HDAC4: variants seen among roughly 807,000 people sequenced by gnomAD.
HDAC4 encodes the protein histone deacetylase A.
HDAC4 carries 16 observed loss-of-function variants against 135.1 expected under a neutral mutation model. That is an observed-to-expected ratio of 0.12 (90% CI 0.08 to 0.18). HDAC4 has a LOEUF of 0.18. HDAC4 is among the 10% of genes least tolerant of loss of function. The probability of loss-of-function intolerance (pLI) is 1.00; values close to 1 mark genes in which losing one functional copy is unlikely to be tolerated. For missense variants in HDAC4, 1,143 were observed against 1,511.8 expected (o/e 0.76, Z 4.05); for synonymous variants, 685 against 653.4 (o/e 1.05, Z -0.74).
chr2:239,169,102 A>G (rs987804182), intron 5 of HDAC4, among the ~76,000 whole-genome samples: 3 of 152,230 alleles, frequency 2.0e-5, no homozygotes, highest in African/African-American at 7.2e-5. Context: ...CTGAGGAAGT[A>G]ATTTAGACCA....
intron 1 of HDAC4, among the ~76,000 whole-genome samples, chr2:239,368,267 C>T (rs1461725626): frequency 6.6e-6 from 1 of 152,028 alleles, no homozygotes; most frequent in African/African-American, 2.4e-5. Context: ...ACAGGAGGGC[C>T]CTGAATGTCA....
chr2:239,380,379 A>G (rs1432014753), intron 1 of HDAC4, among the ~76,000 whole-genome samples: 1 of 152,338 alleles, frequency 6.6e-6, no homozygotes, highest in South Asian at 2.1e-4. Context: ...TGTATTCTAT[A>G]TTGATAATAT....
intron 7 of HDAC4, among the ~76,000 whole-genome samples, chr2:239,150,969 AG>A (rs1317620384): frequency 2.0e-5 from 3 of 152,388 alleles, no homozygotes; most frequent in Admixed American, 6.5e-5. Context: ...ATACAGCAGC[AG>A]GAAGTGTGGG....
At chr2:239,363,750 C>T (rs567782504) in intron 1 of HDAC4, among the ~76,000 whole-genome samples, 1 of 152,162 alleles carries the variant, frequency 6.6e-6, no homozygotes, top group African/African-American at 2.4e-5. Context: ...ATTAAGAACA[C>T]TCATTTATCA....
At chr2:239,213,861 C>G (rs1050857754) in intron 3 of HDAC4, among the ~76,000 whole-genome samples, 1 of 152,182 alleles carries the variant, frequency 6.6e-6, no homozygotes, top group African/African-American at 2.4e-5. Flanking sequence ...GAGGGGGACC[C>G]GCAAGAAAGC....
rs1032642343 is a variant in HDAC4, at chr2:239,352,112, C to G, written c.22+566G>C. 6.6e-6 allele frequency among the ~76,000 whole-genome samples: 1 copy of G among 152,210 alleles called. No individual in the cohort carries two copies. Among genetic ancestry groups the G allele is most frequent in the African/African-American group, 2.4e-5 (1 of 41,442 alleles). On this transcript the variant is annotated intron_variant, in intron 2 of 26. Transcript: ENST00000543185. The surrounding 1 kb of genome is among the most constrained non-coding windows in gnomAD (Gnocchi z 4.4). ...CCAATCATGTGGGTCCCCCACCTAC[C>G]AGCTCTGTGACCTCAGGCAAATTAC...
At position 239,073,955 on chromosome 2, in the gene HDAC4, AGCAGGACTGAGGGGGGCC is replaced by A. The variant is rs1266192564; in HGVS notation, c.2751-5366_2751-5349del. On this transcript the variant is annotated intron_variant, in intron 22 of 26. Transcript: ENST00000543185. ...CATGGCTCTGACCAACCTAATGGGC[AGCAGGACTGAGGGGGGCC>A]GCAGGACTGAGGGGGCCGCAGGACT... 3.3e-5 allele frequency among the ~76,000 whole-genome samples: 5 copies of A among 151,474 alleles called. No individual in the cohort carries two copies. In the East Asian group the frequency reaches 5.9e-4, roughly 18 times the overall value.
At chr2:239,137,108 T>G (rs113366577) in intron 9 of HDAC4, among the ~76,000 whole-genome samples, 5,119 of 152,132 alleles carry the variant, frequency 0.034, 139 homozygotes, top group Non-Finnish European at 0.05. Flanking sequence ...GTAAGCAAGG[T>G]TTTTTTTAAG....
At chr2:239,228,152 T>G (rs2047348011) in intron 3 of HDAC4, among the ~76,000 whole-genome samples, 1 of 152,116 alleles carries the variant, frequency 6.6e-6, no homozygotes, top group Non-Finnish European at 1.5e-5. Context: ...CACAGACCCC[T>G]CCTGTGTGCC....
At chr2:239,327,291 A>G (rs2125798060) in intron 2 of HDAC4, among the ~76,000 whole-genome samples, 1 of 152,232 alleles carries the variant, frequency 6.6e-6, no homozygotes, top group East Asian at 1.9e-4. Flanking sequence ...AGCCAATGGC[A>G]TGAATAAGGC....
intron 6 of HDAC4, among the ~76,000 whole-genome samples, chr2:239,163,001 TA>T (rs1248756717): frequency 6.6e-6 from 1 of 152,144 alleles, no homozygotes; most frequent in Non-Finnish European, 1.5e-5. Context: ...AGCAGAAAAC[TA>T]CATTTCAAAG....
intron 16 of HDAC4, among the ~76,000 whole-genome samples, chr2:239,096,015 C>T (rs1322635225): frequency 6.6e-6 from 1 of 152,128 alleles, no homozygotes; most frequent in Non-Finnish European, 1.5e-5. Context: ...CTGGGCTGTA[C>T]CCCCCGCTGT....
chr2:239,306,663 A>G lies in HDAC4; in HGVS notation c.22+46015T>C, dbSNP rs1559350015. Among the ~76,000 whole-genome samples the G allele has an allele frequency of 6.6e-6, 1 of 152,116 alleles. No homozygotes were observed. The highest frequency in any genetic ancestry group is 1.5e-5 in the Non-Finnish European group (1 of 68,016). On this transcript the variant is annotated intron_variant, in intron 2 of 26. Transcript: ENST00000543185. The surrounding 1 kb of genome is among the most constrained non-coding windows in gnomAD (Gnocchi z 4.5). ...CCCCTATATGCCCCCCACACTGCCC[A>G]GGTGATGGCAGAACCCAGGTCCTCG...
rs2052684582 is a variant in HDAC4 at position 239,307,934 on chromosome 2, G to T, written c.22+44744C>A. 6.6e-6 allele frequency among the ~76,000 whole-genome samples: 1 copy of T among 152,052 alleles called. No homozygotes were observed. Among genetic ancestry groups the T allele is most frequent in the Non-Finnish European group, 1.5e-5 (1 of 68,024 alleles). On this transcript the variant is annotated intron_variant, in intron 2 of 26. Coordinates refer to ENST00000543185, the MANE Select transcript of HDAC4 (RefSeq NM_001378414.1). The surrounding 1 kb of genome is among the most constrained non-coding windows in gnomAD (Gnocchi z 4.8). The stretch of plus-strand genomic sequence containing the variant: ...AATTCCTGATCTCCACCTGAAAACG[G>T]AACACAAGGCCCGGCAGCAACAGCC...
intron 1 of HDAC4, among the ~76,000 whole-genome samples, chr2:239,359,861 A>G (rs529887167): frequency 6.6e-6 from 1 of 152,320 alleles, no homozygotes; most frequent in African/African-American, 2.4e-5. Flanking sequence ...GCTGGACAGA[A>G]TATCAATGCC....
intron 5 of HDAC4, among the ~76,000 whole-genome samples, chr2:239,165,265 C>G (rs11124184): frequency 0.52 from 78,510 of 151,928 alleles, 20,990 homozygotes; most frequent in South Asian, 0.73. Flanking sequence ...ACACGCTGAC[C>G]CCCTGAACCA....
At chr2:239,135,660 G>A (rs918867991) in intron 9 of HDAC4, among the ~76,000 whole-genome samples, 24 of 152,196 alleles carry the variant, frequency 1.6e-4, no homozygotes, top group African/African-American at 5.3e-4. Flanking sequence ...CTCTTGGGAT[G>A]TAACGTTAAG....
intron 17 of HDAC4, among the ~76,000 whole-genome samples, chr2:239,090,892 C>T (rs778823421): frequency 6.6e-6 from 1 of 152,202 alleles, no homozygotes; most frequent in Non-Finnish European, 1.5e-5. Context: ...GAATCACGAC[C>T]AGTCTCTTCC....
At chr2:239,214,291 G>A (rs1170685742) in intron 3 of HDAC4, among the ~76,000 whole-genome samples, 1 of 152,062 alleles carries the variant, frequency 6.6e-6, no homozygotes, top group East Asian at 1.9e-4. Flanking sequence ...GCATGGCCCT[G>A]TCGACACTCT....
Sources: gnomAD v4.1 joint callset for allele counts (sites outside exome capture counted in the v4.1 genomes callset) on GRCh38, gnomAD v4.1.1 for gene constraint, Gnocchi (gnomAD v3.1) non-coding constraint, MANE v1.5 for transcripts, NCBI Gene and HGNC (gene_info 2026-07-23, HGNC 2026-07-21) for gene names.